Variants in ZNF432 observed in about 807,000 individuals in gnomAD.
ZNF432 encodes zinc finger protein 432.
ZNF432 carries 10 observed loss-of-function variants against 13.9 expected under a neutral mutation model. That is an observed-to-expected ratio of 0.72 (90% CI 0.44 to 1.22). The LOEUF (loss-of-function observed/expected upper bound fraction) is 1.22, where lower values mean the gene tolerates loss of function less well. Ranked by LOEUF, ZNF432 falls within the 50% of genes most tolerant of loss-of-function variation. ZNF432 has a pLI of 0.00. For missense variants in ZNF432, 793 were observed against 796.2 expected (o/e 1.00, Z 0.05); for synonymous variants, 247 against 256.2 (o/e 0.96, Z 0.34).
chr19:52,037,630 A>C (rs1450655677), intron 4 of ZNF432, among the ~76,000 whole-genome samples: 2 of 151,948 alleles, frequency 1.3e-5, no homozygotes, highest in Non-Finnish European at 1.5e-5. Flanking sequence ...AACACAAAAT[A>C]CAAAAATTAG....
rs2087053479 is a variant in ZNF432 at position 52,034,556 on chromosome 19, A to T, written c.1123T>A (p.Cys375Ser). Residue 375 changes from cysteine (C) to serine (S), a missense_variant, in exon 5 of 5, where the codon TGC becomes AGC. Transcript: ENST00000221315. ...RNHTGEKPYI[C>S]NECGKGFTMK... ...GTGAAGCCTTTCCCACATTCATTGC[A>T]TATATATGGTTTCTCTCCTGTATGA... 1.9e-6 allele frequency: 3 copies of T among 1,613,434 alleles called. No homozygotes were observed. In the African/African-American group the frequency reaches 4.0e-5, roughly 22 times the overall value.
chr19:52,035,562 T>C (rs1438173307), intron 4 of ZNF432, 122 bp from the exon 5 acceptor site: 2 of 820,894 alleles, frequency 2.4e-6, no homozygotes, highest in Non-Finnish European at 3.5e-6. Flanking sequence ...AGACAGAGTC[T>C]CGCTCTGTTA....
chr19:52,035,773 T>C (rs1258071593), intron 4 of ZNF432, among the ~76,000 whole-genome samples: 2 of 152,118 alleles, frequency 1.3e-5, no homozygotes, highest in Non-Finnish European at 2.9e-5. Context: ...CCTCCAGTGA[T>C]ACCCCTACGT....
At chr19:52,036,645 A>G (rs928266653) in intron 4 of ZNF432, among the ~76,000 whole-genome samples, 1 of 152,150 alleles carries the variant, frequency 6.6e-6, no homozygotes. Context: ...TAATCAGTAC[A>G]TACATATTAT....
chr19:52,041,248 A>C (rs141328570), intron 3 of ZNF432, among the ~76,000 whole-genome samples: 56 of 152,330 alleles, frequency 3.7e-4, no homozygotes, highest in African/African-American at 1.3e-3. Flanking sequence ...TGCAAATACA[A>C]TGCCATTTTA....
rs779226045 is a variant in ZNF432, at chr19:52,034,552, T to C, written c.1127A>G (p.Asn376Ser). 3.7e-6 allele frequency: 6 copies of C among 1,611,392 alleles called. No individual in the cohort carries two copies. In the South Asian group the frequency reaches 4.4e-5, roughly 12 times the overall value. ...NHTGEKPYICNECGKGFTMKS... is the reference protein window; with the variant it reads ...NHTGEKPYICSECGKGFTMKS... ...CATGGTGAAGCCTTTCCCACATTCA[T>C]TGCATATATATGGTTTCTCTCCTGT... Residue 376 changes from asparagine (N) to serine (S), a missense_variant, in exon 5 of 5, where the codon AAT becomes AGT. Physicochemically the swap from Asn to Ser is conservative, Grantham distance 46. Transcript: ENST00000221315.
intron 2 of ZNF432, among the ~76,000 whole-genome samples, chr19:52,043,429 A>AAGGCC: frequency 6.6e-6 from 1 of 152,250 alleles, no homozygotes; most frequent in Non-Finnish European, 1.5e-5. Context: ...AACACTGCGG[A>AAGGCC]AGGCCGCAGG....
At chr19:52,042,624 G>A (rs2087146690) in intron 2 of ZNF432, among the ~76,000 whole-genome samples, 2 of 152,062 alleles carry the variant, frequency 1.3e-5, no homozygotes, top group Admixed American at 1.3e-4. Context: ...TACTAAATAT[G>A]GAAGACAGAG....
rs903492053 is a variant in ZNF432, at chr19:52,032,744, C to T, written c.*976G>A. The T allele has an allele frequency of 8.5e-5, 13 of 152,294 alleles. No individual in the cohort carries two copies. The highest frequency in any genetic ancestry group is 4.1e-4 in the South Asian group (2 of 4,832). 9.4% of individuals were successfully genotyped at this position (152,294 alleles called of 1,614,324 possible). A position where few individuals can be genotyped will look rare whatever the true frequency, so the allele number is the denominator to read the frequency against. ...AGCCACCATGCCCGGCATTATGTAT[C>T]ATTTTCATGAGACTTTTTTACTTCA... On this transcript the variant is annotated 3_prime_UTR_variant, in exon 5 of 5. Coordinates refer to ENST00000221315, the MANE Select transcript of ZNF432 (RefSeq NM_014650.4).
intron 2 of ZNF432, among the ~76,000 whole-genome samples, chr19:52,042,418 A>AT (rs2087145332): frequency 6.6e-6 from 1 of 152,044 alleles, no homozygotes; most frequent in Admixed American, 6.6e-5. Context: ...GTGCGGTGGC[A>AT]CACACCTGTG....
chr19:52,041,496 G>C lies in ZNF432; in HGVS notation c.126C>G (p.Ser42Arg). Reference sequence around the variant, plus strand: ...TGTCCTCACCCATTGATAGCAGGTTGCTGTAGATCTCCAACATCACATCCC... The same window carrying C: ...TGTCCTCACCCATTGATAGCAGGTTCCTGTAGATCTCCAACATCACATCCC... Reference protein sequence around the residue: ...LYRDVMLEIYSNLLSMGYQVS... With the variant: ...LYRDVMLEIYRNLLSMGYQVS... Residue 42 changes from serine to arginine, a missense_variant, in exon 3 of 5, where the codon AGC (serine) becomes AGG (arginine). Ser to Arg is a moderately radical substitution (Grantham distance 110). Transcript: ENST00000221315. 1 of 1,606,958 alleles carries C rather than the reference G, an allele frequency of 6.2e-7. No homozygotes were observed. Among genetic ancestry groups the C allele is most frequent in the South Asian group, 1.1e-5 (1 of 90,218 alleles).
chr19:52,041,654 T>C (rs1366401235), intron 2 of ZNF432, 48 bp from the exon 3 acceptor site: 1 of 1,612,964 alleles, frequency 6.2e-7, no homozygotes, highest in South Asian at 1.1e-5. Flanking sequence ...TCTCTTTTAC[T>C]GACATGAAAA....
chr19:52,039,517 C>T (rs2123152800), intron 4 of ZNF432, among the ~76,000 whole-genome samples: 1 of 151,770 alleles, frequency 6.6e-6, no homozygotes, highest in South Asian at 2.1e-4. Context: ...TATAAAATGT[C>T]CAGAACAGGC....
chr19:52,034,277 A>G lies in ZNF432; in HGVS notation c.1402T>C (p.Leu468=), dbSNP rs879248222. 1 of 1,612,832 alleles carries G rather than the reference A, an allele frequency of 6.2e-7. No individual in the cohort carries two copies. The highest frequency in any genetic ancestry group is 1.3e-5 in the African/African-American group (1 of 74,536). Residue 468 remains leucine, a synonymous_variant, in exon 5 of 5, where the codon TTG becomes CTG. Transcript: ENST00000221315. ...TGATGTACAATCAGCCGACTCTTCA[A>G]GGGGAAGCCTTTCCCACATTCACTG... ...TCSECGKGFP[L]KSRLIVHQRT...
At chr19:52,037,140 T>C (rs2087089804) in intron 4 of ZNF432, among the ~76,000 whole-genome samples, 1 of 152,246 alleles carries the variant, frequency 6.6e-6, no homozygotes, top group Non-Finnish European at 1.5e-5. Flanking sequence ...ATAAATACAT[T>C]CACGTACATG....
chr19:52,035,739 G>T (rs981468155), intron 4 of ZNF432, among the ~76,000 whole-genome samples: 2 of 151,992 alleles, frequency 1.3e-5, no homozygotes, highest in African/African-American at 4.8e-5. Context: ...CAATATGTTG[G>T]CCAGGCTGGT....
At chr19:52,040,372 G>A in intron 4 of ZNF432, 116 bp downstream of exon 4, 1 of 878,020 alleles carries the variant, frequency 1.1e-6, no homozygotes, top group South Asian at 1.3e-5. Flanking sequence ...GTTTCTTGTG[G>A]AGGGAAAACG....
At chr19:52,036,948 G>A (rs2123148885) in intron 4 of ZNF432, among the ~76,000 whole-genome samples, 1 of 152,266 alleles carries the variant, frequency 6.6e-6, no homozygotes, top group South Asian at 2.1e-4. Flanking sequence ...TGGGACTATA[G>A]GTGTGAGCCA....
chr19:52,034,229 G>T lies in ZNF432; in HGVS notation c.1450C>A (p.Pro484Thr). The T allele has an allele frequency of 6.2e-7, 1 of 1,614,040 alleles. No homozygotes were observed. The stretch of plus-strand genomic sequence containing the variant: ...TTCCCACATTCACTGCACCTGTAAG[G>T]TTTCTCTCCAGTATGAGTTCGCTGA... ...VHQRTHTGEK[P>T]YRCSECGKGF... The change falls in exon 5 of 5, where the codon CCT (proline) becomes ACT (threonine). Residue 484 changes from proline to threonine, a missense_variant. Coordinates refer to ENST00000221315, the MANE Select transcript of ZNF432 (RefSeq NM_014650.4).
Sources: gnomAD v4.1 joint callset for allele counts (sites outside exome capture counted in the v4.1 genomes callset) on GRCh38, gnomAD v4.1.1 for gene constraint, MANE v1.5 for transcripts, NCBI Gene and HGNC (gene_info 2026-07-23, HGNC 2026-07-21) for gene names.